The following MED1 variants were observed in gnomAD, a reference collection of about 807,000 sequenced individuals.
MED1 encodes the protein mediator complex subunit 1.
A neutral mutation model predicts 121.3 loss-of-function variants in MED1; 17 were observed. The observed-to-expected ratio is 0.14, with a 90% CI of 0.10 to 0.21. The LOEUF (loss-of-function observed/expected upper bound fraction) is 0.21, where lower values mean the gene tolerates loss of function less well. MED1 is among the 10% of genes least tolerant of loss of function. The pLI is 1.00. For synonymous variants in MED1, 661 were observed against 694.4 expected (o/e 0.95, Z 0.76); for missense variants, 1,558 against 1,919.4 (o/e 0.81, Z 3.52).
At chr17:39,441,419 T>G (rs188541579) in intron 3 of MED1, among the ~76,000 whole-genome samples, 57 of 152,306 alleles carry the variant, frequency 3.7e-4, no homozygotes, top group Admixed American at 1.3e-3. Context: ...GCTACTGAAC[T>G]ATACACTTAG....
rs759208651 is a variant in MED1, at chr17:39,407,507, C to A, written c.4714G>T (p.Asp1572Tyr). 3 of 1,612,166 alleles carry A rather than the reference C, an allele frequency of 1.9e-6. No individual in the cohort carries two copies. Among genetic ancestry groups the A allele is most frequent in the Non-Finnish European group, 1.7e-6 (2 of 1,178,980 alleles). ...CCAATCAGGGCCACATCCATAAGAT[C>A]ATCATCTTCCTCCCCAATCATAAAG... The part of the protein sequence containing the change: ...PDFMIGEEDD[D>Y]LMDVALIGN Residue 1572 changes from aspartate (D) to tyrosine (Y), a missense_variant, in exon 17 of 17, where the codon GAT becomes TAT. This residue lies in a region of MED1 where 264 missense variants were observed against 326.1 expected (regional missense o/e 0.81). Coordinates refer to ENST00000300651, the MANE Select transcript of MED1 (RefSeq NM_004774.4).
At position 39,423,374 on chromosome 17, in the gene MED1, T is replaced by G; in HGVS notation, c.1048A>C (p.Lys350Gln). 1 of 1,613,992 alleles carries G rather than the reference T, an allele frequency of 6.2e-7. No individual in the cohort carries two copies. The highest frequency in any genetic ancestry group is 1.1e-5 in the South Asian group (1 of 91,088). ...TTCAAAGGTATGGGGTCAGGGTCCT[T>G]TGATAGCTCAAACTGAGTGATCAGT... ...YELITQFELSKDPDPIPLNHN... is the reference protein window; with the variant it reads ...YELITQFELSQDPDPIPLNHN... Residue 350 changes from lysine to glutamine, a missense_variant, in exon 13 of 17, where the codon AAG (lysine) becomes CAG (glutamine). Transcript: ENST00000300651.
chr17:39,431,634 A>T (rs993544923), intron 8 of MED1, among the ~76,000 whole-genome samples: 2 of 152,158 alleles, frequency 1.3e-5, no homozygotes, highest in African/African-American at 4.8e-5. Flanking sequence ...CATATAGCAA[A>T]TGTATTTCAC....
intron 2 of MED1, among the ~76,000 whole-genome samples, chr17:39,446,570 T>C (rs1265654031): frequency 6.6e-6 from 1 of 150,732 alleles, no homozygotes; most frequent in Non-Finnish European, 1.5e-5. Flanking sequence ...GGTCAGGAGA[T>C]GGAGACCATC....
intron 16 of MED1, among the ~76,000 whole-genome samples, chr17:39,412,418 G>C (rs1401062286): frequency 6.6e-6 from 1 of 151,308 alleles, no homozygotes; most frequent in African/African-American, 2.4e-5. Context: ...AGTAGAGACA[G>C]GGTTTCTCCA....
Position 39,443,603 on chromosome 17 carries a change from C to T in MED1, c.158G>A (p.Gly53Glu). The change falls in exon 3 of 17, where the codon GGA (glycine) becomes GAA (glutamate). Residue 53 changes from glycine (G) to glutamate (E), a missense_variant. Transcript: ENST00000300651. ...ACAGCTGACCAAATGTTGATGCCCT[C>T]CAGAACTCATCACAACCCTCTTCTC... Reference protein sequence around the residue: ...VMEKRVVMSSGGHQHLVSCLE... With the variant: ...VMEKRVVMSSEGHQHLVSCLE... 2.5e-6 allele frequency: 4 copies of T among 1,613,994 alleles called. No homozygotes were observed. Among genetic ancestry groups the T allele is most frequent in the Non-Finnish European group, 2.5e-6 (3 of 1,179,948 alleles).
chr17:39,408,275 T>A lies in MED1; in HGVS notation c.3946A>T (p.Thr1316Ser). 6.2e-7 allele frequency: 1 copy of A among 1,614,132 alleles called. No homozygotes were observed. Among genetic ancestry groups the A allele is most frequent in the South Asian group, 1.1e-5 (1 of 91,084 alleles). The stretch of plus-strand genomic sequence containing the variant: ...GGGTCTTCACCCCCAGGGCCACTGG[T>A]GACAACCCCATGCTTCAGTTTATCT... ...VIDKLKHGVV[T>S]SGPGGEDPLD... Residue 1316 changes from threonine to serine, a missense_variant, in exon 17 of 17, where the codon ACC (threonine) becomes TCC (serine). Thr to Ser is a moderately conservative substitution (Grantham distance 58, BLOSUM62 1). Transcript: ENST00000300651. The surrounding 1 kb of genome is among the most constrained non-coding windows in gnomAD (Gnocchi z 4.7).
chr17:39,429,193 A>C (rs1335837045), intron 9 of MED1, among the ~76,000 whole-genome samples: 1 of 151,870 alleles, frequency 6.6e-6, no homozygotes, highest in African/African-American at 2.4e-5. Flanking sequence ...CTCTAAAAAA[A>C]TTGTTAAAGT....
intron 16 of MED1, among the ~76,000 whole-genome samples, chr17:39,410,971 T>C (rs898637241): frequency 1.3e-5 from 2 of 152,162 alleles, no homozygotes; most frequent in South Asian, 2.1e-4. Flanking sequence ...GTCCAAATAA[T>C]TGAATTTCAA....
chr17:39,420,060 T>C (rs1297491528), intron 13 of MED1, 142 bp from the exon 14 acceptor site: 1 of 655,442 alleles, frequency 1.5e-6, no homozygotes, highest in African/African-American at 1.8e-5. Flanking sequence ...ATTATAAATG[T>C]CAATCAATTA....
intron 6 of MED1, among the ~76,000 whole-genome samples, chr17:39,438,439 T>A (rs576073953): frequency 2.7e-5 from 4 of 150,850 alleles, no homozygotes; most frequent in African/African-American, 9.8e-5. Flanking sequence ...CGCTCCCAGG[T>A]TCACGCCATT....
Position 39,406,326 on chromosome 17 carries a change from T to C in MED1, c.*1149A>G. ...TCTCAGGGAGCATACAGTGGAGTGA[T>C]TAAAGTTTGGACTCCTTCTCCTTGT... On this transcript the variant is annotated 3_prime_UTR_variant, in exon 17 of 17. Transcript: ENST00000300651. 1.0e-6 allele frequency: 1 copy of C among 985,530 alleles called. No individual in the cohort carries two copies. Among genetic ancestry groups the C allele is most frequent in the Non-Finnish European group, 1.2e-6 (1 of 829,922 alleles). 61.0% of individuals were successfully genotyped at this position (985,530 alleles called of 1,614,324 possible).
chr17:39,420,349 G>A (rs982185716), intron 13 of MED1, among the ~76,000 whole-genome samples: 4 of 151,714 alleles, frequency 2.6e-5, no homozygotes, highest in South Asian at 2.1e-4. Flanking sequence ...ATAGGCACCC[G>A]CCACCACGCC....
intron 6 of MED1, among the ~76,000 whole-genome samples, 195 bp from the exon 7 acceptor site, chr17:39,434,515 C>G (rs1429124205): frequency 6.6e-6 from 1 of 152,128 alleles, no homozygotes; most frequent in Non-Finnish European, 1.5e-5. Flanking sequence ...CTTTGTCTCC[C>G]TCCTCCATTT....
chr17:39,407,789 T>C lies in MED1; in HGVS notation c.4432A>G (p.Asn1478Asp), dbSNP rs745789766. The change falls in exon 17 of 17, where the codon AAT (asparagine) becomes GAT (aspartate). Residue 1478 changes from asparagine (N) to aspartate (D), a missense_variant. By Grantham distance (23) the Asn-to-Asp change is conservative. Transcript: ENST00000300651. ...GSSIAEKSYQNSPSSDDGIRP... is the reference protein window; with the variant it reads ...GSSIAEKSYQDSPSSDDGIRP... Reference sequence around the variant, plus strand: ...ATACCATCGTCTGAGCTGGGACTATTCTGATAAGATTTCTCTGCTATGGAG... The same window carrying C: ...ATACCATCGTCTGAGCTGGGACTATCCTGATAAGATTTCTCTGCTATGGAG... 1 of 1,614,182 alleles carries C rather than the reference T, an allele frequency of 6.2e-7. No homozygotes were observed. Among genetic ancestry groups the C allele is most frequent in the Non-Finnish European group, 8.5e-7 (1 of 1,180,030 alleles).
At chr17:39,415,221 T>C (rs1467944597) in intron 15 of MED1, 23 bp downstream of exon 15, 1 of 1,605,408 alleles carries the variant, frequency 6.2e-7, no homozygotes, top group East Asian at 2.2e-5. Context: ...CCATGAGAGG[T>C]GTTAGCCACC....
At chr17:39,417,509 G>C (rs1437201166) in intron 14 of MED1, among the ~76,000 whole-genome samples, 1 of 149,884 alleles carries the variant, frequency 6.7e-6, no homozygotes, top group Non-Finnish European at 1.5e-5. Context: ...GGTGCCTGTA[G>C]TCCCAGCTAC....
Position 39,451,230 on chromosome 17 carries a change from T to C in MED1, c.-168A>G. 2 of 688,958 alleles carry C rather than the reference T, an allele frequency of 2.9e-6. No individual in the cohort carries two copies. The highest frequency in any genetic ancestry group is 4.8e-6 in the Non-Finnish European group (2 of 415,470). The allele number at this position is 688,958 out of a possible 1,614,324, so 42.7% of individuals were successfully genotyped here. A position where few individuals can be genotyped will look rare whatever the true frequency, so the allele number is the denominator to read the frequency against. ...CCCGGCGGCAAGAAGAGAAGGGTGC[T>C]CGAGGCCGCCGCCATCTTCCCCAAC... On this transcript the variant is annotated 5_prime_UTR_variant, in exon 1 of 17. Transcript: ENST00000300651.
In MED1 at chr17:39,409,236, G is replaced by A. The variant is rs772596062; in HGVS notation, c.2985C>T (p.Arg995=). The A allele has an allele frequency of 5.6e-6, 9 of 1,614,002 alleles. No homozygotes were observed. In the Admixed American group the frequency reaches 1.5e-4, roughly 27 times the overall value. ...TCCCATCATTAGAAGGGGTCCGACT[G>A]CGCTTCCCTGGTTTGCTGTCTAATC... The part of the protein sequence containing the change: ...GPGLDSKPGK[R]SRTPSNDGKS... Residue 995 remains arginine, a synonymous_variant, in exon 17 of 17, where the codon CGC becomes CGT. Coordinates refer to ENST00000300651, the MANE Select transcript of MED1 (RefSeq NM_004774.4).
Sources: allele counts gnomAD v4.1 joint callset (sites outside exome capture counted in the v4.1 genomes callset), GRCh38; gene constraint gnomAD v4.1.1; regional missense constraint gnomAD v4.1.1; non-coding constraint Gnocchi (gnomAD v3.1); transcripts MANE v1.5; gene names NCBI Gene and HGNC (gene_info 2026-07-23, HGNC 2026-07-21).